Variants in PTPRM observed in about 807,000 individuals in gnomAD.
PTPRM encodes the protein receptor-type tyrosine-protein phosphatase mu.
In PTPRM, 47 loss-of-function variants were observed where a neutral mutation model predicts 186.7. The observed-to-expected ratio is 0.25, with a 90% CI of 0.20 to 0.32. The LOEUF (loss-of-function observed/expected upper bound fraction) is 0.32. Among genes scored for constraint, PTPRM ranks in the 10% least tolerant of loss-of-function variants. The pLI is 1.00. For missense variants in PTPRM, 1,494 were observed against 1,865.0 expected (o/e 0.80, Z 3.66); for synonymous variants, 668 against 674.9 (o/e 0.99, Z 0.16).
At chr18:7,860,261 C>T (rs1262096305) in intron 2 of PTPRM, among the ~76,000 whole-genome samples, 4 of 151,904 alleles carry the variant, frequency 2.6e-5, no homozygotes, top group Non-Finnish European at 5.9e-5. Context: ...TTAGTAGAGA[C>T]GGGGTTTCAC....
intron 9 of PTPRM, among the ~76,000 whole-genome samples, chr18:8,081,622 G>A (rs1387647539): frequency 1.3e-5 from 2 of 152,182 alleles, no homozygotes; most frequent in Admixed American, 1.3e-4. Flanking sequence ...CAGCTGCTGA[G>A]GTTGGTGAAT....
At chr18:8,118,931 A>G (rs190387370) in intron 13 of PTPRM, among the ~76,000 whole-genome samples, 3 of 151,252 alleles carry the variant, frequency 2.0e-5, no homozygotes, top group East Asian at 3.9e-4. Flanking sequence ...AGGGTGGCCC[A>G]GGGAAGTCAA....
intron 2 of PTPRM, among the ~76,000 whole-genome samples, chr18:7,839,798 T>C (rs2046232684): frequency 6.6e-6 from 1 of 152,130 alleles, no homozygotes; most frequent in South Asian, 2.1e-4. Context: ...CTAGACTGCC[T>C]TTCAAGTTTG....
intron 23 of PTPRM, among the ~76,000 whole-genome samples, chr18:8,361,493 T>G (rs921956354): frequency 7.2e-5 from 11 of 152,194 alleles, no homozygotes; most frequent in African/African-American, 2.7e-4. Flanking sequence ...TGATTGTTAT[T>G]CTATTCTCCA....
chr18:7,718,748 G>T (rs1464652035), intron 1 of PTPRM, among the ~76,000 whole-genome samples: 1 of 152,006 alleles, frequency 6.6e-6, no homozygotes, highest in African/African-American at 2.4e-5. Flanking sequence ...ACTGGGCAAA[G>T]GACAAGAATA....
At chr18:8,063,469 G>C (rs1298029335) in intron 7 of PTPRM, among the ~76,000 whole-genome samples, 1 of 152,044 alleles carries the variant, frequency 6.6e-6, no homozygotes, top group African/African-American at 2.4e-5. Context: ...ATCTTCCATT[G>C]TGACACTTCT....
At chr18:8,038,108 C>G (rs574333079) in intron 7 of PTPRM, among the ~76,000 whole-genome samples, 5 of 152,074 alleles carry the variant, frequency 3.3e-5, no homozygotes, top group African/African-American at 4.8e-5. Flanking sequence ...AAGATGTCTC[C>G]CCAAATACTA....
At chr18:7,832,205 G>A (rs2045796143) in intron 2 of PTPRM, among the ~76,000 whole-genome samples, 1 of 152,180 alleles carries the variant, frequency 6.6e-6, no homozygotes, top group Admixed American at 6.5e-5. Flanking sequence ...CCTTCAAACT[G>A]TTCTCCGAAG....
intron 1 of PTPRM, among the ~76,000 whole-genome samples, chr18:7,729,319 G>A (rs956870394): frequency 1.3e-5 from 2 of 152,114 alleles, no homozygotes; most frequent in African/African-American, 2.4e-5. Flanking sequence ...TTTCCCCAAG[G>A]ATTTGGCACA....
At chr18:8,254,455 C>A (rs1601495918) in intron 19 of PTPRM, among the ~76,000 whole-genome samples, 1 of 152,072 alleles carries the variant, frequency 6.6e-6, no homozygotes, top group Admixed American at 6.5e-5. Flanking sequence ...AATCAGTCCG[C>A]AGTCATTGAT....
intron 1 of PTPRM, among the ~76,000 whole-genome samples, chr18:7,575,908 A>G (rs2036676605): frequency 6.6e-6 from 1 of 152,200 alleles, no homozygotes; most frequent in South Asian, 2.1e-4. Flanking sequence ...TTTATATGAA[A>G]TGCAAGTGTT....
At chr18:7,851,326 T>G (rs1042853631) in intron 2 of PTPRM, among the ~76,000 whole-genome samples, 5 of 152,094 alleles carry the variant, frequency 3.3e-5, no homozygotes, top group Non-Finnish European at 7.4e-5. Flanking sequence ...TTTCCAAAAC[T>G]GACATCAAGC....
intron 23 of PTPRM, among the ~76,000 whole-genome samples, chr18:8,360,256 A>G (rs1164739308): frequency 1.3e-5 from 2 of 152,192 alleles, no homozygotes; most frequent in East Asian, 3.8e-4. Flanking sequence ...GAATTTTTTC[A>G]CTGAAAGTGC....
chr18:8,255,107 T>C (rs2094562587), intron 19 of PTPRM, among the ~76,000 whole-genome samples: 1 of 152,248 alleles, frequency 6.6e-6, no homozygotes, highest in Admixed American at 6.5e-5. Context: ...AAGTCTAGCT[T>C]AGGAATTAAT....
intron 2 of PTPRM, among the ~76,000 whole-genome samples, chr18:7,885,794 G>A (rs2048753678): frequency 6.6e-6 from 1 of 152,122 alleles, no homozygotes; most frequent in African/African-American, 2.4e-5. Context: ...ATTTCATGCT[G>A]GAATGGAGCA....
Position 8,406,273 on chromosome 18 carries a change from T to A in PTPRM, c.*111T>A. The A allele has an allele frequency of 9.4e-7, 1 of 1,065,106 alleles. No homozygotes were observed. Among genetic ancestry groups the A allele is most frequent in the Non-Finnish European group, 1.4e-6 (1 of 723,488 alleles). 66.0% of individuals were successfully genotyped at this position (1,065,106 alleles called of 1,614,324 possible). A position where few individuals can be genotyped will look rare whatever the true frequency, so the allele number is the denominator to read the frequency against. On this transcript the variant is annotated 3_prime_UTR_variant, in exon 33 of 33. Transcript: ENST00000580170. ...CTCAATATGCTTATTTTGCTTTGCATAATTGGCTCTTTTTAAGAGCCCAAG... is the reference window on the plus strand; with the variant it reads ...CTCAATATGCTTATTTTGCTTTGCAAAATTGGCTCTTTTTAAGAGCCCAAG...
intron 1 of PTPRM, among the ~76,000 whole-genome samples, chr18:7,583,396 C>T (rs2036896348): frequency 6.6e-6 from 1 of 152,200 alleles, no homozygotes; most frequent in East Asian, 1.9e-4. Flanking sequence ...ACAGTGGCTA[C>T]AGCTGATTTT....
At chr18:8,393,930 A>G (rs568832050) in intron 31 of PTPRM, among the ~76,000 whole-genome samples, 16 of 152,092 alleles carry the variant, frequency 1.1e-4, no homozygotes, top group African/African-American at 3.9e-4. Flanking sequence ...CTGGGACTAC[A>G]AGCACCCGCC....
At chr18:8,352,594 T>C (rs1189411731) in intron 23 of PTPRM, among the ~76,000 whole-genome samples, 2 of 152,036 alleles carry the variant, frequency 1.3e-5, no homozygotes, top group African/African-American at 2.4e-5. Context: ...GCTGTACCCA[T>C]GTTGTACCAA....
Sources: allele counts gnomAD v4.1 joint callset (sites outside exome capture counted in the v4.1 genomes callset), GRCh38; gene constraint gnomAD v4.1.1; transcripts MANE v1.5; gene names NCBI Gene and HGNC (gene_info 2026-07-23, HGNC 2026-07-21).